ASIC2: variants seen among roughly 807,000 people sequenced by gnomAD.
ASIC2 encodes acid sensing ion channel subunit 2, also known as acid-sensing ion channel 2.
Under a neutral mutation model 57.3 loss-of-function variants are expected in ASIC2, and 25 were observed. That is an observed-to-expected ratio of 0.44 (90% CI 0.32 to 0.61). The LOEUF is 0.61. Among genes scored for constraint, ASIC2 ranks in the 20% least tolerant of loss-of-function variants. ASIC2 has a pLI of 0.06. For missense variants in ASIC2, 641 were observed against 738.1 expected (o/e 0.87, Z 1.52); for synonymous variants, 319 against 307.5 (o/e 1.04, Z -0.39).
At chr17:33,421,379 G>A (rs115443363) in intron 1 of ASIC2, among the ~76,000 whole-genome samples, 1,712 of 152,324 alleles carry the variant, frequency 0.011, 27 homozygotes, top group African/African-American at 0.037. Context: ...TTGATGATCT[G>A]TGTGCACTTG....
intron 1 of ASIC2, among the ~76,000 whole-genome samples, chr17:34,088,456 G>A (rs1348409430): frequency 6.6e-6 from 1 of 152,194 alleles, no homozygotes; most frequent in Non-Finnish European, 1.5e-5. Context: ...CCCCTACTGG[G>A]GAGTGCCTCC....
intron 1 of ASIC2, among the ~76,000 whole-genome samples, chr17:33,161,349 C>A (rs892878975): frequency 2.0e-5 from 3 of 152,184 alleles, no homozygotes; most frequent in African/African-American, 4.8e-5. Context: ...CACTACAGAG[C>A]CTTTGCACGT....
chr17:33,080,357 G>A (rs1010104237), intron 3 of ASIC2, among the ~76,000 whole-genome samples: 38 of 152,076 alleles, frequency 2.5e-4, no homozygotes, highest in Non-Finnish European at 5.1e-4. Flanking sequence ...GAGATCTCAT[G>A]AGCAACCTTG....
At chr17:33,864,290 G>GA (rs556783331) in intron 1 of ASIC2, among the ~76,000 whole-genome samples, 2 of 151,996 alleles carry the variant, frequency 1.3e-5, no homozygotes, top group East Asian at 1.9e-4. Context: ...TATTTATGGG[G>GA]AAAAAAAGTC....
intron 1 of ASIC2, among the ~76,000 whole-genome samples, chr17:33,337,225 A>G (rs1325312700): frequency 2.0e-5 from 3 of 152,166 alleles, no homozygotes; most frequent in Non-Finnish European, 4.4e-5. Flanking sequence ...CTCTGCATCT[A>G]AAAGACCTAG....
chr17:33,338,503 A>G (rs1907608511), intron 1 of ASIC2, among the ~76,000 whole-genome samples: 1 of 152,200 alleles, frequency 6.6e-6, no homozygotes, highest in Admixed American at 6.5e-5. Context: ...TTCCAGGCAG[A>G]TGGAGCAGCA....
At chr17:33,308,024 T>A (rs1044050388) in intron 1 of ASIC2, among the ~76,000 whole-genome samples, 1 of 152,230 alleles carries the variant, frequency 6.6e-6, no homozygotes, top group African/African-American at 2.4e-5. Flanking sequence ...TGTGCTAGGA[T>A]GTCTTTTCCA....
Position 33,414,633 on chromosome 17 carries a change from G to A in ASIC2, c.556-302566C>T, listed in dbSNP as rs116301045. Among the ~76,000 whole-genome samples the A allele has an allele frequency of 2.4e-4, 37 of 152,292 alleles. 1 individual carries two copies. The highest frequency in any genetic ancestry group is 8.2e-4 in the African/African-American group (34 of 41,556). On this transcript the variant is annotated intron_variant, in intron 1 of 9. Transcript: ENST00000359872. ...CCCACTGAGGCCATTGGGAATCTGA[G>A]GGCAGGTGCTCCAGGGTTTTCCAGG... is the stretch of plus-strand genomic sequence containing the variant.
intron 1 of ASIC2, among the ~76,000 whole-genome samples, chr17:33,735,728 C>T (rs1331818038): frequency 6.6e-6 from 1 of 152,070 alleles, no homozygotes; most frequent in Non-Finnish European, 1.5e-5. Context: ...ATTGAGCACT[C>T]CCTGGGATCA....
intron 1 of ASIC2, among the ~76,000 whole-genome samples, chr17:33,221,423 G>A (rs990366275): frequency 3.9e-5 from 6 of 152,200 alleles, no homozygotes; most frequent in Non-Finnish European, 7.4e-5. Context: ...CAACATGACC[G>A]TTGTTTTTGT....
chr17:33,925,750 C>T (rs140722056), intron 1 of ASIC2, among the ~76,000 whole-genome samples: 2 of 152,332 alleles, frequency 1.3e-5, no homozygotes, highest in East Asian at 1.9e-4. Flanking sequence ...TCAGTTTTGA[C>T]TTGCCCTGGC....
intron 1 of ASIC2, among the ~76,000 whole-genome samples, chr17:34,095,821 G>A (rs1910525387): frequency 6.7e-6 from 1 of 150,176 alleles, no homozygotes; most frequent in Non-Finnish European, 1.5e-5. Context: ...TTCATAGACA[G>A]AAAGTGAAGG....
chr17:34,022,932 T>A (rs964929739), intron 1 of ASIC2, among the ~76,000 whole-genome samples: 1 of 152,028 alleles, frequency 6.6e-6, no homozygotes. Flanking sequence ...AGTGAGTGAG[T>A]TCTCATGATA....
intron 1 of ASIC2, among the ~76,000 whole-genome samples, chr17:33,897,219 G>C (rs1915119093): frequency 6.6e-6 from 1 of 152,200 alleles, no homozygotes; most frequent in Non-Finnish European, 1.5e-5. Context: ...GTCAAAATGA[G>C]ACTCACTCAG....
At chr17:33,112,535 C>A (rs1380096898) in intron 1 of ASIC2, among the ~76,000 whole-genome samples, 1 of 152,124 alleles carries the variant, frequency 6.6e-6, no homozygotes, top group Non-Finnish European at 1.5e-5. Context: ...TCCTTAGCTT[C>A]CCCACCCCAT....
At chr17:33,687,157 C>T (rs1426986018) in intron 1 of ASIC2, among the ~76,000 whole-genome samples, 1 of 152,168 alleles carries the variant, frequency 6.6e-6, no homozygotes, top group African/African-American at 2.4e-5. Context: ...AATGGAATAA[C>T]ACTTAAAACA....
chr17:33,770,882 T>C (rs1469105669), intron 1 of ASIC2, among the ~76,000 whole-genome samples: 1 of 152,154 alleles, frequency 6.6e-6, no homozygotes, highest in African/African-American at 2.4e-5. Flanking sequence ...TAAACCCACC[T>C]GGCTGGCTGG....
chr17:33,111,780 G>T, intron 2 of ASIC2, 137 bp downstream of exon 2: 1 of 1,262,186 alleles, frequency 7.9e-7, no homozygotes, highest in Non-Finnish European at 1.1e-6. Context: ...ACATCTTTAT[G>T]ATCTAGCAGC....
intron 1 of ASIC2, among the ~76,000 whole-genome samples, chr17:33,694,156 A>G (rs1002949129): frequency 6.6e-6 from 1 of 152,106 alleles, no homozygotes; most frequent in Non-Finnish European, 1.5e-5. Context: ...GCCTCAGGCT[A>G]TGGGTAATAT....
Sources: allele counts gnomAD v4.1 joint callset (sites outside exome capture counted in the v4.1 genomes callset), GRCh38; gene constraint gnomAD v4.1.1; transcripts MANE v1.5; gene names NCBI Gene and HGNC (gene_info 2026-07-23, HGNC 2026-07-21).